Variants in EDAR observed in about 807,000 individuals in gnomAD.
The protein encoded by EDAR is ectodysplasin A receptor, also known as tumor necrosis factor receptor superfamily member EDAR.
A neutral mutation model predicts 51.3 loss-of-function variants in EDAR; 38 were observed. The ratio of observed to expected loss-of-function variants is 0.74; its 90% CI spans 0.57 to 0.97. The LOEUF (loss-of-function observed/expected upper bound fraction) is 0.97. EDAR is among the 50% of genes least tolerant of loss of function. EDAR has a pLI of 0.00. For synonymous variants in EDAR, 227 were observed against 242.1 expected (o/e 0.94, Z 0.58); for missense variants, 528 against 595.0 (o/e 0.89, Z 1.17).
intron 11 of EDAR, among the ~76,000 whole-genome samples, chr2:108,898,756 G>T (rs1313534636): frequency 1.3e-5 from 2 of 152,098 alleles, no homozygotes; most frequent in Non-Finnish European, 2.9e-5. Flanking sequence ...AAAAAGAAAT[G>T]AAAATATTAG....
chr2:108,910,892 G>C, intron 7 of EDAR, 42 bp from the exon 8 acceptor site: 1 of 1,613,860 alleles, frequency 6.2e-7, no homozygotes, highest in Non-Finnish European at 8.5e-7. Context: ...CTCTCCGACA[G>C]GGGGAGTTGA....
At chr2:108,908,055 TG>T (rs758689494) in intron 9 of EDAR, 36 bp from the exon 10 acceptor site, 46 of 1,575,646 alleles carry the variant, frequency 2.9e-5, no homozygotes, top group Non-Finnish European at 3.4e-5. Flanking sequence ...TAGCAGTGCC[TG>T]GGGGGGCTGC....
chr2:108,924,455 A>G (rs1697213900), intron 4 of EDAR, among the ~76,000 whole-genome samples: 1 of 152,216 alleles, frequency 6.6e-6, no homozygotes, highest in Non-Finnish European at 1.5e-5. Flanking sequence ...CACTGTGAGT[A>G]GTCGATTAAA....
intron 1 of EDAR, among the ~76,000 whole-genome samples, chr2:108,973,111 C>T (rs1698264511): frequency 1.3e-5 from 2 of 152,194 alleles, no homozygotes; most frequent in Admixed American, 6.5e-5. Flanking sequence ...GTCAGCCTCC[C>T]CATTAGCTGG....
chr2:108,938,745 A>G (rs1410865322), intron 1 of EDAR, among the ~76,000 whole-genome samples: 1 of 152,064 alleles, frequency 6.6e-6, no homozygotes, highest in Non-Finnish European at 1.5e-5. Context: ...TAACTAACAC[A>G]TTGCTTTAAA....
chr2:108,910,738 A>C (rs1696911157), intron 8 of EDAR, 38 bp downstream of exon 8: 2 of 1,607,212 alleles, frequency 1.2e-6, no homozygotes, highest in African/African-American at 1.3e-5. Flanking sequence ...AGAGATGGGC[A>C]CCGTGCACAT....
intron 1 of EDAR, among the ~76,000 whole-genome samples, chr2:108,981,116 A>G (rs1698412222): frequency 6.6e-6 from 1 of 152,136 alleles, no homozygotes; most frequent in Non-Finnish European, 1.5e-5. Context: ...TCGGAAATCC[A>G]CATAATATTC....
intron 9 of EDAR, among the ~76,000 whole-genome samples, 164 bp from the exon 10 acceptor site, chr2:108,908,183 C>G (rs968479183): frequency 6.6e-6 from 1 of 152,042 alleles, no homozygotes; most frequent in African/African-American, 2.4e-5. Context: ...GACCAGGGGA[C>G]ATGAGACGAG....
At chr2:108,904,464 T>G (rs1696765019) in intron 11 of EDAR, among the ~76,000 whole-genome samples, 1 of 152,238 alleles carries the variant, frequency 6.6e-6, no homozygotes, top group African/African-American at 2.4e-5. Flanking sequence ...CTCCTGGGTC[T>G]TTATCCCAGA....
intron 11 of EDAR, among the ~76,000 whole-genome samples, 162 bp from the exon 12 acceptor site, chr2:108,897,391 A>G (rs1696620711): frequency 6.6e-6 from 1 of 152,210 alleles, no homozygotes; most frequent in South Asian, 2.1e-4. Flanking sequence ...ACTTAAGGCA[A>G]ACGACACCTA....
chr2:108,899,598 G>A (rs1228842655), intron 11 of EDAR, among the ~76,000 whole-genome samples: 2 of 152,210 alleles, frequency 1.3e-5, no homozygotes, highest in African/African-American at 2.4e-5. Context: ...CTAAATATAT[G>A]TAGAGGAAAT....
At chr2:108,917,522 C>T (rs1327004721) in intron 5 of EDAR, among the ~76,000 whole-genome samples, 1 of 152,176 alleles carries the variant, frequency 6.6e-6, no homozygotes, top group East Asian at 1.9e-4. Flanking sequence ...CTCTGTACCC[C>T]ATAAACATGT....
At chr2:108,962,939 G>A (rs1350243946) in intron 1 of EDAR, among the ~76,000 whole-genome samples, 2 of 152,192 alleles carry the variant, frequency 1.3e-5, no homozygotes, top group Admixed American at 1.3e-4. Context: ...AGGATAAGGA[G>A]AGAGCTACAG....
At chr2:108,968,421 T>C (rs1350238307) in intron 1 of EDAR, among the ~76,000 whole-genome samples, 1 of 152,194 alleles carries the variant, frequency 6.6e-6, no homozygotes, top group African/African-American at 2.4e-5. Flanking sequence ...AAACCAGGGA[T>C]GTAGCATTTT....
chr2:108,977,370 G>A (rs895637509), intron 1 of EDAR, among the ~76,000 whole-genome samples: 10 of 152,298 alleles, frequency 6.6e-5, no homozygotes, highest in South Asian at 2.1e-4. Context: ...CCGGGTTCAC[G>A]CCATTCTCCT....
chr2:108,942,464 T>C (rs1435200303), intron 1 of EDAR, among the ~76,000 whole-genome samples: 1 of 152,230 alleles, frequency 6.6e-6, no homozygotes, highest in African/African-American at 2.4e-5. Context: ...CCCACCCCTG[T>C]GGACCTGTGG....
chr2:108,941,583 G>A lies in EDAR; in HGVS notation c.-18-10551C>T, dbSNP rs183857092. On this transcript the variant is annotated intron_variant, in intron 1 of 11. Coordinates refer to ENST00000258443, the MANE Select transcript of EDAR (RefSeq NM_022336.4). ...GTCCTCTGCACCAGCTGGGGGCATG[G>A]CCAACAGGGAAGAGTAGAAGGAGAA... Among the ~76,000 whole-genome samples the A allele has an allele frequency of 7.4e-4, 113 of 152,324 alleles. No homozygotes were observed. The East Asian group carries it at 0.012, about 16-fold the overall frequency.
At chr2:108,945,248 G>T (rs2105482009) in intron 1 of EDAR, among the ~76,000 whole-genome samples, 1 of 152,242 alleles carries the variant, frequency 6.6e-6, no homozygotes. Flanking sequence ...CCAATGGGAT[G>T]CTATGCCACT....
Position 108,910,646 on chromosome 2 carries a change from C to T in EDAR, c.731-114G>A, listed in dbSNP as rs540535756. On this transcript the variant is annotated intron_variant, in intron 8 of 11. Transcript: ENST00000258443. ...AGAGCTGCCCGGTGTCTGTGTGGCA[C>T]CACCCCACGGTAAGCACAGTATGGT... 540 of 1,406,880 alleles carry T rather than the reference C, an allele frequency of 3.8e-4. 13 individuals are homozygous for T. The South Asian group carries it at 6.2e-3, about 16-fold the overall frequency. The allele number at this position is 1,406,880 out of a possible 1,614,324, so 87.1% of individuals were successfully genotyped here. A position where few individuals can be genotyped will look rare whatever the true frequency, so the allele number is the denominator to read the frequency against.
Sources: gnomAD v4.1 joint callset for allele counts (sites outside exome capture counted in the v4.1 genomes callset) on GRCh38, gnomAD v4.1.1 for gene constraint, MANE v1.5 for transcripts, NCBI Gene and HGNC (gene_info 2026-07-23, HGNC 2026-07-21) for gene names.